Variants in VAV3 observed in about 807,000 individuals in gnomAD.
VAV3 encodes the protein guanine nucleotide exchange factor VAV3.
Under a neutral mutation model 131.2 loss-of-function variants are expected in VAV3, and 94 were observed. The observed-to-expected ratio is 0.72, with a 90% CI of 0.61 to 0.85. VAV3 has a LOEUF of 0.85. VAV3 is among the 40% of genes least tolerant of loss of function. VAV3 has a pLI of 0.00. For missense variants in VAV3, 939 were observed against 1,002.7 expected (o/e 0.94, Z 0.86); for synonymous variants, 349 against 342.0 (o/e 1.02, Z -0.22).
chr1:107,633,381 T>C (rs936937059), intron 20 of VAV3, among the ~76,000 whole-genome samples: 2 of 152,186 alleles, frequency 1.3e-5, no homozygotes, highest in African/African-American at 4.8e-5. Flanking sequence ...CACCACACTT[T>C]GCAAGCCACT....
intron 2 of VAV3, among the ~76,000 whole-genome samples, chr1:107,844,299 T>C (rs1009652433): frequency 1.1e-4 from 17 of 152,102 alleles, no homozygotes; most frequent in Non-Finnish European, 2.2e-4. Context: ...AGATACTATG[T>C]TTTTCCCACT....
chr1:107,599,670 A>G (rs1651682074), intron 24 of VAV3, among the ~76,000 whole-genome samples: 1 of 151,952 alleles, frequency 6.6e-6, no homozygotes. Flanking sequence ...AACTCAAGGG[A>G]AAAAGGTTAG....
chr1:107,612,092 A>G (rs865905595), intron 21 of VAV3, among the ~76,000 whole-genome samples: 1 of 152,004 alleles, frequency 6.6e-6, no homozygotes, highest in South Asian at 2.1e-4. Flanking sequence ...TAGTTTTTAA[A>G]AAACATTTTA....
chr1:107,634,860 C>T (rs1298958802), intron 20 of VAV3, among the ~76,000 whole-genome samples: 1 of 152,054 alleles, frequency 6.6e-6, no homozygotes, highest in East Asian at 1.9e-4. Context: ...CTGAAAGACA[C>T]ATGAAAAAAT....
At chr1:107,713,522 A>G (rs1407557889) in intron 15 of VAV3, among the ~76,000 whole-genome samples, 1 of 152,146 alleles carries the variant, frequency 6.6e-6, no homozygotes, top group African/African-American at 2.4e-5. Context: ...TAGCAGGGCA[A>G]TTTGTTAAAA....
intron 19 of VAV3, among the ~76,000 whole-genome samples, chr1:107,650,224 G>C (rs1656055155): frequency 6.6e-6 from 1 of 151,986 alleles, no homozygotes; most frequent in Non-Finnish European, 1.5e-5. Flanking sequence ...TTGAGGGTCT[G>C]GCCCATTTTA....
intron 15 of VAV3, among the ~76,000 whole-genome samples, chr1:107,723,511 G>A (rs1029922179): frequency 9.7e-6 from 1 of 102,790 alleles, no homozygotes; most frequent in Non-Finnish European, 2.1e-5. Context: ...TTCTCCATCT[G>A]GGCCTGGCTG....
intron 1 of VAV3, among the ~76,000 whole-genome samples, chr1:107,925,005 G>C (rs867795218): frequency 6.6e-6 from 1 of 152,124 alleles, no homozygotes; most frequent in Non-Finnish European, 1.5e-5. Flanking sequence ...CTAAAACTTG[G>C]AAGCAGAAAA....
intron 2 of VAV3, among the ~76,000 whole-genome samples, chr1:107,794,723 C>T (rs1666456856): frequency 6.6e-6 from 1 of 152,122 alleles, no homozygotes; most frequent in Admixed American, 6.5e-5. Context: ...GGGTATTTTG[C>T]AACGAACAAG....
At chr1:107,613,830 G>A (rs936377001) in intron 21 of VAV3, among the ~76,000 whole-genome samples, 4 of 152,052 alleles carry the variant, frequency 2.6e-5, no homozygotes, top group African/African-American at 9.7e-5. Flanking sequence ...TTCATTGGGA[G>A]AATAATCAAT....
At chr1:107,940,915 A>G (rs765878121) in intron 1 of VAV3, among the ~76,000 whole-genome samples, 2 of 152,132 alleles carry the variant, frequency 1.3e-5, no homozygotes, top group Non-Finnish European at 2.9e-5. Flanking sequence ...AACAGTGTGA[A>G]TGTACTTAAT....
intron 2 of VAV3, among the ~76,000 whole-genome samples, chr1:107,823,583 G>A (rs1201600703): frequency 6.6e-6 from 1 of 152,188 alleles, no homozygotes; most frequent in Non-Finnish European, 1.5e-5. Flanking sequence ...GCTGAGCAAA[G>A]AGACAGAAGA....
At chr1:107,842,697 T>A (rs1490413064) in intron 2 of VAV3, among the ~76,000 whole-genome samples, 1 of 152,134 alleles carries the variant, frequency 6.6e-6, no homozygotes. Flanking sequence ...GGTTTTCTGG[T>A]TATGCAGGGG....
intron 2 of VAV3, among the ~76,000 whole-genome samples, chr1:107,854,518 G>A (rs1199357106): frequency 6.6e-6 from 1 of 152,062 alleles, no homozygotes; most frequent in Non-Finnish European, 1.5e-5. Flanking sequence ...TAATATATTA[G>A]ATAACTTCAT....
chr1:107,765,696 A>G (rs1035950248), intron 8 of VAV3, among the ~76,000 whole-genome samples: 1 of 152,192 alleles, frequency 6.6e-6, no homozygotes, highest in African/African-American at 2.4e-5. Flanking sequence ...ACAGAAGATA[A>G]CTCATATCAC....
chr1:107,620,796 ATT>A (rs1408709461), intron 20 of VAV3, among the ~76,000 whole-genome samples: 1 of 152,150 alleles, frequency 6.6e-6, no homozygotes. Flanking sequence ...AAAGAGATGA[ATT>A]TTTTAGCTGA....
intron 15 of VAV3, among the ~76,000 whole-genome samples, chr1:107,705,650 T>C (rs1027579974): frequency 6.6e-5 from 10 of 152,210 alleles, no homozygotes; most frequent in African/African-American, 2.2e-4. Flanking sequence ...TTATTTATAT[T>C]ATACATACAA....
intron 2 of VAV3, among the ~76,000 whole-genome samples, chr1:107,820,246 G>A: frequency 6.6e-6 from 1 of 152,068 alleles, no homozygotes; most frequent in Non-Finnish European, 1.5e-5. Flanking sequence ...AGAAAAATGT[G>A]CTACATATAC....
At chr1:107,630,526 A>C (rs1654385309) in intron 20 of VAV3, among the ~76,000 whole-genome samples, 1 of 152,210 alleles carries the variant, frequency 6.6e-6, no homozygotes, top group Non-Finnish European at 1.5e-5. Context: ...ACTGGTATAG[A>C]TGGCAGAGTC....
Sources: gnomAD v4.1 joint callset for allele counts (sites outside exome capture counted in the v4.1 genomes callset) on GRCh38, gnomAD v4.1.1 for gene constraint, MANE v1.5 for transcripts, NCBI Gene and HGNC (gene_info 2026-07-23, HGNC 2026-07-21) for gene names.